Variants in JMY observed in about 807,000 individuals in gnomAD.
JMY encodes junction-mediating and -regulatory protein.
JMY carries 46 observed loss-of-function variants against 103.3 expected under a neutral mutation model. The ratio of observed to expected loss-of-function variants is 0.45; its 90% CI spans 0.35 to 0.57. The LOEUF is 0.57. Among genes scored for constraint, JMY ranks in the 20% least tolerant of loss-of-function variants. The probability of loss-of-function intolerance (pLI) is 0.00; values close to 1 mark genes in which losing one functional copy is unlikely to be tolerated. For missense variants in JMY, 1,238 were observed against 1,255.2 expected, an observed-to-expected ratio of 0.99 and a Z score of 0.21; for synonymous variants, 526 against 489.3, an observed-to-expected ratio of 1.07 and a Z score of -0.99.
At chr5:79,271,700 CCTT>C (rs1248704497) in intron 1 of JMY, among the ~76,000 whole-genome samples, 7 of 152,088 alleles carry the variant, frequency 4.6e-5, no homozygotes, top group African/African-American at 1.4e-4. Flanking sequence ...CAACTTTCTT[CCTT>C]CTTTTTAAAA....
intron 6 of JMY, among the ~76,000 whole-genome samples, chr5:79,301,159 G>A (rs75875336): frequency 0.034 from 5,138 of 152,232 alleles, 110 homozygotes; most frequent in South Asian, 0.062. Context: ...GCCCAGCGAT[G>A]TTTTTTACAA....
intron 2 of JMY, among the ~76,000 whole-genome samples, chr5:79,279,253 T>C (rs1244709292): frequency 2.6e-5 from 4 of 151,948 alleles, no homozygotes; most frequent in Non-Finnish European, 5.9e-5. Flanking sequence ...AGAATCACTT[T>C]AACCTGGGAG....
Position 79,236,528 on chromosome 5 carries a change from C to T in JMY, c.-123C>T. 1 of 687,948 alleles carries T rather than the reference C, an allele frequency of 1.5e-6. No homozygotes were observed. The highest frequency in any genetic ancestry group is 2.1e-6 in the Non-Finnish European group (1 of 475,392). 42.6% of individuals were successfully genotyped at this position (687,948 alleles called of 1,614,324 possible). On this transcript the variant is annotated 5_prime_UTR_variant, in exon 1 of 11. Coordinates refer to ENST00000396137, the MANE Select transcript of JMY (RefSeq NM_152405.5). ...AGGCGAACGAGCCGGGAGAGCCGGC[C>T]GGCGCACTAAGATGGCTGAAGGCGC...
chr5:79,268,114 G>A (rs571541040), intron 1 of JMY, among the ~76,000 whole-genome samples: 2 of 152,124 alleles, frequency 1.3e-5, no homozygotes, highest in Admixed American at 6.5e-5. Context: ...GTGGTGGTGC[G>A]CACCTGTAGT....
intron 2 of JMY, among the ~76,000 whole-genome samples, chr5:79,281,610 A>G (rs1746117217): frequency 1.3e-5 from 2 of 152,198 alleles, no homozygotes; most frequent in Non-Finnish European, 2.9e-5. Flanking sequence ...ACTGATGGAC[A>G]CAGCATGGGT....
chr5:79,263,942 C>T (rs548175897), intron 1 of JMY, among the ~76,000 whole-genome samples: 4 of 151,998 alleles, frequency 2.6e-5, no homozygotes, highest in Non-Finnish European at 4.4e-5. Context: ...GGATTACAGG[C>T]GCCTGCCACC....
intron 10 of JMY, among the ~76,000 whole-genome samples, chr5:79,321,314 C>T (rs1290693022): frequency 6.6e-6 from 1 of 152,160 alleles, no homozygotes; most frequent in Non-Finnish European, 1.5e-5. Context: ...TTTAGTTGTT[C>T]TTACTCTAGT....
At chr5:79,298,891 G>A (rs1257323615) in intron 4 of JMY, among the ~76,000 whole-genome samples, 3 of 152,084 alleles carry the variant, frequency 2.0e-5, no homozygotes, top group Admixed American at 6.6e-5. Context: ...TCTTTAAAAC[G>A]TATTCTTTTT....
intron 1 of JMY, among the ~76,000 whole-genome samples, chr5:79,253,642 C>T (rs1228660657): frequency 6.6e-6 from 1 of 152,120 alleles, no homozygotes; most frequent in Non-Finnish European, 1.5e-5. Flanking sequence ...ACCACAGTTA[C>T]AGTGTTATAA....
intron 1 of JMY, among the ~76,000 whole-genome samples, chr5:79,242,171 A>T (rs1744760531): frequency 6.6e-6 from 1 of 152,202 alleles, no homozygotes; most frequent in Non-Finnish European, 1.5e-5. Flanking sequence ...TGGAAGTAGC[A>T]TGTGTTTTCA....
At chr5:79,307,467 T>G (rs929586995) in intron 7 of JMY, among the ~76,000 whole-genome samples, 1 of 152,130 alleles carries the variant, frequency 6.6e-6, no homozygotes, top group Middle Eastern at 3.4e-3. Flanking sequence ...TGGTATCTTT[T>G]GGTGTGTGTG....
chr5:79,247,753 A>G (rs2112048228), intron 1 of JMY, among the ~76,000 whole-genome samples: 1 of 151,138 alleles, frequency 6.6e-6, no homozygotes. Flanking sequence ...CCCAGGTTCA[A>G]GCAATTCTCC....
rs193265719 is a variant in JMY at position 79,326,168 on chromosome 5, G to A, written c.*4566G>A. On this transcript the variant is annotated 3_prime_UTR_variant, in exon 11 of 11. Transcript: ENST00000396137. Reference sequence around the variant, plus strand: ...AAGCAGTCATTTGTTTTGCGGGTTAGGGGAAAGTTTTGTTTTTTGCTGGTG... The same window carrying A: ...AAGCAGTCATTTGTTTTGCGGGTTAAGGGAAAGTTTTGTTTTTTGCTGGTG... The A allele has an allele frequency of 6.6e-6, 1 of 152,230 alleles. No individual in the cohort carries two copies. The highest frequency in any genetic ancestry group is 2.4e-5 in the African/African-American group (1 of 41,562). 9.4% of individuals were successfully genotyped at this position (152,230 alleles called of 1,614,324 possible). A position where few individuals can be genotyped will look rare whatever the true frequency, so the allele number is the denominator to read the frequency against.
At chr5:79,319,546 A>G (rs1020202890) in intron 10 of JMY, among the ~76,000 whole-genome samples, 5 of 137,496 alleles carry the variant, frequency 3.6e-5, no homozygotes, top group African/African-American at 1.4e-4. Context: ...TGTATTTCCC[A>G]TTAATTTATT....
At chr5:79,238,648 C>CTTTTTTTTTTTTTTTTTT in intron 1 of JMY, among the ~76,000 whole-genome samples, 1 of 120,688 alleles carries the variant, frequency 8.3e-6, no homozygotes, top group Non-Finnish European at 1.7e-5. Flanking sequence ...TCCGCGCCTT[C>CTTTTTTTTTTTTTTTTTT]TTTTTTTTTT....
chr5:79,264,328 C>T (rs1408352037), intron 1 of JMY, among the ~76,000 whole-genome samples: 1 of 152,010 alleles, frequency 6.6e-6, no homozygotes, highest in African/African-American at 2.4e-5. Flanking sequence ...CTTAAGCAAT[C>T]CGCTGACCTC....
At chr5:79,284,053 T>TTTCC (rs1158752738) in intron 2 of JMY, 2 of 993,506 alleles carry the variant, frequency 2.0e-6, no homozygotes, top group African/African-American at 3.4e-5. Flanking sequence ...AATTACTTTC[T>TTTCC]TTTTTTTATT....
intron 2 of JMY, among the ~76,000 whole-genome samples, chr5:79,280,509 C>G (rs1746074502): frequency 6.6e-6 from 1 of 152,164 alleles, no homozygotes. Context: ...TGGTATTTCA[C>G]TGCATTTCTT....
chr5:79,273,954 C>A (rs565430349), intron 1 of JMY, among the ~76,000 whole-genome samples: 5 of 152,232 alleles, frequency 3.3e-5, no homozygotes, highest in Admixed American at 2.0e-4. Context: ...CCTCAGCCTC[C>A]CGAGTAGCTG....
Sources: allele counts gnomAD v4.1 joint callset (sites outside exome capture counted in the v4.1 genomes callset), GRCh38; gene constraint gnomAD v4.1.1; transcripts MANE v1.5; gene names NCBI Gene and HGNC (gene_info 2026-07-23, HGNC 2026-07-21).